Variants in AATK observed in about 807,000 individuals in gnomAD.
AATK encodes lemur tail kinase 1.
In AATK, 91 loss-of-function variants were observed where a neutral mutation model predicts 114.3. That is an observed-to-expected ratio of 0.80 (90% CI 0.67 to 0.95). AATK has a LOEUF of 0.95. AATK is among the 40% of genes least tolerant of loss of function. AATK has a pLI of 0.00. For synonymous variants in AATK, 1,075 were observed against 916.5 expected (o/e 1.17, Z -3.12); for missense variants, 2,176 against 1,965.2 (o/e 1.11, Z -2.03).
At chr17:81,145,762 C>T (rs891984293) in intron 1 of AATK, among the ~76,000 whole-genome samples, 1 of 143,768 alleles carries the variant, frequency 7.0e-6, no homozygotes, top group Non-Finnish European at 1.5e-5. Context: ...AAAGGGTGTT[C>T]GATAAAAGCC....
At chr17:81,150,562 C>T (rs1240547291) in intron 1 of AATK, among the ~76,000 whole-genome samples, 16 of 152,130 alleles carry the variant, frequency 1.1e-4, no homozygotes, top group Admixed American at 4.6e-4. Context: ...GTCTCCACAA[C>T]AGGCTGTCCT....
intron 1 of AATK, among the ~76,000 whole-genome samples, chr17:81,163,515 G>A (rs750553649): frequency 5.3e-5 from 8 of 152,224 alleles, no homozygotes; most frequent in South Asian, 2.1e-4. Flanking sequence ...TGAGTAGTCC[G>A]AGGCCACACA....
At chr17:81,140,611 G>A (rs969413868) in intron 1 of AATK, among the ~76,000 whole-genome samples, 5 of 148,848 alleles carry the variant, frequency 3.4e-5, no homozygotes, top group Non-Finnish European at 7.4e-5. Flanking sequence ...GCAGGAACTG[G>A]AGATGAGAGA....
At chr17:81,160,575 C>T (rs1375131298) in intron 1 of AATK, among the ~76,000 whole-genome samples, 5 of 152,222 alleles carry the variant, frequency 3.3e-5, no homozygotes, top group African/African-American at 1.2e-4. Context: ...ACGCCAAAGC[C>T]CTCCTGTCAC....
intron 1 of AATK, among the ~76,000 whole-genome samples, chr17:81,152,372 GC>G (rs1419294338): frequency 6.6e-6 from 1 of 152,142 alleles, no homozygotes; most frequent in African/African-American, 2.4e-5. Context: ...GATCACTTGA[GC>G]CCAGGAGTTT....
At chr17:81,147,471 CTA>C (rs1382989403) in intron 1 of AATK, among the ~76,000 whole-genome samples, 36 of 152,040 alleles carry the variant, frequency 2.4e-4, no homozygotes, top group Non-Finnish European at 4.3e-4. Context: ...GAATTTAAGA[CTA>C]TGTTTTAGGC....
intron 1 of AATK, among the ~76,000 whole-genome samples, chr17:81,153,590 T>C (rs1463023888): frequency 6.6e-6 from 1 of 152,204 alleles, no homozygotes; most frequent in Non-Finnish European, 1.5e-5. Flanking sequence ...CTCGTGCGTA[T>C]GGCAGGATGA....
chr17:81,156,276 CTA>C, intron 1 of AATK, among the ~76,000 whole-genome samples: 1 of 151,148 alleles, frequency 6.6e-6, no homozygotes, highest in African/African-American at 2.4e-5. Flanking sequence ...ATGTATGTTA[CTA>C]TGTTACAATG....
rs961007161 is a variant in AATK at position 81,123,108 on chromosome 17, G to A, written c.1112+86C>T. 12 of 1,340,986 alleles carry A rather than the reference G, an allele frequency of 8.9e-6. No individual in the cohort carries two copies. In the African/African-American group the frequency reaches 1.2e-4, roughly 14 times the overall value. The allele number at this position is 1,340,986 out of a possible 1,614,324, so 83.1% of individuals were successfully genotyped here. ...GAGACCAGGCAGGGCTGGAACGCCA[G>A]GGGGTCAGGGTGAGCCGCCTCTGCC... On this transcript the variant is annotated intron_variant, in intron 10 of 13. Transcript: ENST00000326724.
At chr17:81,150,581 C>T (rs2061282017) in intron 1 of AATK, among the ~76,000 whole-genome samples, 1 of 152,136 alleles carries the variant, frequency 6.6e-6, no homozygotes, top group African/African-American at 2.4e-5. Context: ...CTGGGGAACT[C>T]CCCTATCACA....
In AATK at chr17:81,166,185, C is replaced by A; in HGVS notation, c.-193G>T. 1 of 170,062 alleles carries A rather than the reference C, an allele frequency of 5.9e-6. No homozygotes were observed. The allele number at this position is 170,062 out of a possible 1,614,324, so 10.5% of individuals were successfully genotyped here. On this transcript the variant is annotated 5_prime_UTR_variant, in exon 1 of 14. Transcript: ENST00000326724. ...GGCGGCGACAGACGAGGCGCTCCGC[C>A]CGGCCCTGGCGCCGCGGGGCTCCGC...
chr17:81,131,229 C>T (rs759367432), intron 2 of AATK, 24 bp from the exon 3 acceptor site: 18 of 1,552,758 alleles, frequency 1.2e-5, no homozygotes, highest in Admixed American at 7.3e-5. Context: ...CGGGCATGAG[C>T]GGGGCTTCTC....
rs2060850009 is a variant in AATK at position 81,127,200 on chromosome 17, G to A, written c.621+383C>T. On this transcript the variant is annotated intron_variant, in intron 6 of 13. Transcript: ENST00000326724. ...AGAACTCCAGGCAGCCTGGGGAAGT[G>A]GCCAGGCCCAGCCCCCCATGGCAAA... 2.0e-5 allele frequency among the ~76,000 whole-genome samples: 3 copies of A among 152,126 alleles called. No individual in the cohort carries two copies. In the South Asian group the frequency reaches 6.2e-4, roughly 32 times the overall value.
chr17:81,162,534 G>A (rs2061438899), intron 1 of AATK, among the ~76,000 whole-genome samples: 1 of 152,154 alleles, frequency 6.6e-6, no homozygotes, highest in Non-Finnish European at 1.5e-5. Context: ...CCAGGCCCAT[G>A]GCCTCCTGCT....
At position 81,122,431 on chromosome 17, in the gene AATK, A is replaced by G; in HGVS notation, c.1505T>C (p.Leu502Pro). The G allele has an allele frequency of 6.9e-7, 1 of 1,454,158 alleles. No homozygotes were observed. The allele number at this position is 1,454,158 out of a possible 1,614,324, so 90.1% of individuals were successfully genotyped here. A position where few individuals can be genotyped will look rare whatever the true frequency, so the allele number is the denominator to read the frequency against. Residue 502 changes from leucine to proline, a missense_variant, in exon 11 of 14, where the codon CTG (leucine) becomes CCG (proline). By Grantham distance (98) the Leu-to-Pro change is moderately conservative. Around this residue, in one of 4 missense-constraint regions of AATK, gnomAD observed 1,701 missense variants for 1,394.7 expected, o/e 1.22. Coordinates refer to ENST00000326724, the MANE Select transcript of AATK (RefSeq NM_001080395.3). The stretch of plus-strand genomic sequence containing the variant: ...GCCGTCGGGGGCGCACAGCTCCTGC[A>G]GGCGTGCGGTGCGGCCAGGGCTCAG... ...ATLSPGRTAR[L>P]QELCAPDGAP...
intron 13 of AATK, 38 bp downstream of exon 13, chr17:81,119,342 C>CCTACCTCT (rs1555689595): frequency 6.8e-7 from 1 of 1,479,446 alleles, no homozygotes; most frequent in Non-Finnish European, 8.9e-7. Context: ...GCCCTGCCTC[C>CCTACCTCT]CGCGTGCCCT....
At chr17:81,146,482 G>T (rs956451074) in intron 1 of AATK, among the ~76,000 whole-genome samples, 13 of 152,170 alleles carry the variant, frequency 8.5e-5, no homozygotes, top group Admixed American at 7.2e-4. Context: ...TTGGGAGGCC[G>T]AGGTGGGTGG....
chr17:81,121,775 G>C lies in AATK; in HGVS notation c.2161C>G (p.Pro721Ala). Residue 721 changes from proline (P) to alanine (A), a missense_variant, in exon 11 of 14, where the codon CCG becomes GCG. Physicochemically the swap from Pro to Ala is conservative, Grantham distance 27. This residue lies in a region of AATK where 1,701 missense variants were observed against 1,394.7 expected (regional missense o/e 1.22). Coordinates refer to ENST00000326724, the MANE Select transcript of AATK (RefSeq NM_001080395.3). ...PKQTPRASPE[P>A]GYPGEPLLGL... ...AGCAGAGGCTCTCCAGGGTACCCCG[G>C]CTCGGGGGAGGCCCGTGGGGTCTGC... is the stretch of plus-strand genomic sequence containing the variant. The C allele has an allele frequency of 1.3e-6, 2 of 1,543,310 alleles. No individual in the cohort carries two copies. Among genetic ancestry groups the C allele is most frequent in the Non-Finnish European group, 1.7e-6 (2 of 1,148,732 alleles).
Position 81,131,091 on chromosome 17 carries a change from AG to A in AATK, c.303del (p.Leu102CysfsTer27). On this transcript the variant is annotated frameshift_variant, in exon 3 of 14. Coordinates refer to ENST00000326724, the MANE Select transcript of AATK (RefSeq NM_001080395.3). LOFTEE classifies it high-confidence loss of function. ...CGCCCAGGCTGCTTGGCCATGGGCA[AG>A]GAGACCTCCGTGAGTGGCAGGACGT... ...DVYVLPLTEV[S>X]LPMAKQPGRS... 1 of 1,556,680 alleles carries A rather than the reference AG, an allele frequency of 6.4e-7. No individual in the cohort carries two copies. Among genetic ancestry groups the A allele is most frequent in the Non-Finnish European group, 8.7e-7 (1 of 1,150,614 alleles).
Sources: gnomAD v4.1 joint callset for allele counts (sites outside exome capture counted in the v4.1 genomes callset) on GRCh38, gnomAD v4.1.1 for gene constraint, gnomAD v4.1.1 regional missense constraint, MANE v1.5 for transcripts, NCBI Gene and HGNC (gene_info 2026-07-23, HGNC 2026-07-21) for gene names.